Variants in KIRREL3 observed in about 807,000 individuals in gnomAD.
KIRREL3 encodes kin of IRRE-like protein 3.
Under a neutral mutation model 89.7 loss-of-function variants are expected in KIRREL3, and 36 were observed. That is an observed-to-expected ratio of 0.40 (90% CI 0.31 to 0.53). KIRREL3 has a LOEUF of 0.53. KIRREL3 is among the 20% of genes least tolerant of loss of function. KIRREL3 has a pLI of 0.49. For missense variants in KIRREL3, 864 were observed against 1,056.6 expected (o/e 0.82, Z 2.53); for synonymous variants, 445 against 441.4 (o/e 1.01, Z -0.10).
chr11:126,688,999 G>C (rs557519626), intron 1 of KIRREL3, among the ~76,000 whole-genome samples: 1 of 151,314 alleles, frequency 6.6e-6, no homozygotes, highest in Admixed American at 6.6e-5. Flanking sequence ...GCTGACCATA[G>C]AGCAGCTATG....
rs1950375160 is a variant in KIRREL3 at position 126,782,979 on chromosome 11, A to C, written c.55+217476T>G. On this transcript the variant is annotated intron_variant, in intron 1 of 16. Transcript: ENST00000525144. This position sits in a 1 kb window ranked among gnomAD's most constrained non-coding sequence, Gnocchi z 4.1. ...ATTCTAGCACAGGATCAGGAAATAC[A>C]CAAGATGAACTGGAGCATCTTGTAG... Among the ~76,000 whole-genome samples, 1 of 152,210 alleles carries C rather than the reference A, an allele frequency of 6.6e-6. No homozygotes were observed.
rs1406235916 is a variant in KIRREL3, at chr11:126,724,857, C to A, written c.56-161945G>T. Among the ~76,000 whole-genome samples, 3 of 152,196 alleles carry A rather than the reference C, an allele frequency of 2.0e-5. No homozygotes were observed. In the East Asian group the frequency reaches 5.8e-4, roughly 29 times the overall value. ...ACCATAAAAACAACTTTCCTGCATT[C>A]CTCTTTATCATAGATCAACTTGTCA... On this transcript the variant is annotated intron_variant, in intron 1 of 16. Coordinates refer to ENST00000525144, the MANE Select transcript of KIRREL3 (RefSeq NM_032531.4). The surrounding 1 kb of genome is among the most constrained non-coding windows in gnomAD (Gnocchi z 4.3).
At position 126,949,266 on chromosome 11, in the gene KIRREL3, C is replaced by T. The variant is rs957784677; in HGVS notation, c.55+51189G>A. 1.5e-4 allele frequency among the ~76,000 whole-genome samples: 23 copies of T among 152,270 alleles called. 1 individual carries two copies. The highest frequency in any genetic ancestry group is 4.6e-4 in the African/African-American group (19 of 41,550). On this transcript the variant is annotated intron_variant, in intron 1 of 16. Transcript: ENST00000525144. ...AGATCATTGTGGTTGGGTGATCTCA[C>T]CATGTGGTTACCATGGCCTAGGAAT... is the stretch of plus-strand genomic sequence containing the variant.
intron 4 of KIRREL3, among the ~76,000 whole-genome samples, chr11:126,512,868 C>T (rs73633719): frequency 0.022 from 3,412 of 152,272 alleles, 149 homozygotes; most frequent in African/African-American, 0.077. Flanking sequence ...ACAGTCAACC[C>T]GTGAAGTGGG....
chr11:126,846,152 G>T (rs1944134448), intron 1 of KIRREL3, among the ~76,000 whole-genome samples: 1 of 152,168 alleles, frequency 6.6e-6, no homozygotes, highest in South Asian at 2.1e-4. Flanking sequence ...GTACTTTTGG[G>T]AATGGGCTGA....
At position 126,427,744 on chromosome 11, in the gene KIRREL3, C is replaced by A. The variant is rs893247261; in HGVS notation, c.1806+1435G>T. Among the ~76,000 whole-genome samples the A allele has an allele frequency of 1.3e-5, 2 of 152,014 alleles. No individual in the cohort carries two copies. Among genetic ancestry groups the A allele is most frequent in the Admixed American group, 1.3e-4 (2 of 15,266 alleles). On this transcript the variant is annotated intron_variant, in intron 15 of 16. Transcript: ENST00000525144. The surrounding 1 kb of genome is among the most constrained non-coding windows in gnomAD (Gnocchi z 5.3). ...GATTTTAAGTGGGCAAGTAACAGGA[C>A]CAGATTTGCATTTTAGAAAGGCTGC...
rs1943647664 is a variant in KIRREL3 at position 126,623,312 on chromosome 11, G to C, written c.56-60400C>G. 6.6e-6 allele frequency among the ~76,000 whole-genome samples: 1 copy of C among 152,148 alleles called. No individual in the cohort carries two copies. Among genetic ancestry groups the C allele is most frequent in the African/African-American group, 2.4e-5 (1 of 41,434 alleles). ...CTCCCTGGAAACCAGGCCTGTCCTT[G>C]GTGGTGTATGAGCAGGCCCCTGGGA... On this transcript the variant is annotated intron_variant, in intron 1 of 16. Transcript: ENST00000525144. The surrounding 1 kb of genome is among the most constrained non-coding windows in gnomAD (Gnocchi z 4.1).
At chr11:126,503,268 C>A (rs544367496) in intron 4 of KIRREL3, among the ~76,000 whole-genome samples, 16 of 152,200 alleles carry the variant, frequency 1.1e-4, no homozygotes, top group African/African-American at 3.6e-4. Context: ...CTGGGTGGAC[C>A]AAAGGCAGCA....
chr11:126,460,126 G>A (rs58189355), intron 6 of KIRREL3, among the ~76,000 whole-genome samples: 22,254 of 151,982 alleles, frequency 0.15, 2,121 homozygotes, highest in Admixed American at 0.32. Flanking sequence ...AGGGGGAAGG[G>A]GGGAGGGAGC....
At chr11:126,874,857 C>T (rs988265587) in intron 1 of KIRREL3, among the ~76,000 whole-genome samples, 3 of 152,082 alleles carry the variant, frequency 2.0e-5, no homozygotes, top group African/African-American at 7.2e-5. Context: ...CTGGTCTGGC[C>T]TCCTCATTTT....
intron 2 of KIRREL3, among the ~76,000 whole-genome samples, chr11:126,560,140 C>A (rs1940007277): frequency 6.6e-6 from 1 of 152,198 alleles, no homozygotes; most frequent in Non-Finnish European, 1.5e-5. Flanking sequence ...CACATGAAGA[C>A]AATGATCTCA....
rs1232474339 is a variant in KIRREL3 at position 126,520,632 on chromosome 11, C to T, written c.433+683G>A. Among the ~76,000 whole-genome samples, 5 of 152,124 alleles carry T rather than the reference C, an allele frequency of 3.3e-5. No homozygotes were observed. Among genetic ancestry groups the T allele is most frequent in the African/African-American group, 7.2e-5 (3 of 41,430 alleles). On this transcript the variant is annotated intron_variant, in intron 4 of 16. Transcript: ENST00000525144. This position sits in a 1 kb window ranked among gnomAD's most constrained non-coding sequence, Gnocchi z 4.9. ...GACTGAACTCTAAATCAGAACTAGG[C>T]GGTTTAAGAGGTCACCGAGCCCATT...
rs375182018 is a variant in KIRREL3, at chr11:126,793,399, G to A, written c.55+207056C>T. Among the ~76,000 whole-genome samples, 23 of 152,332 alleles carry A rather than the reference G, an allele frequency of 1.5e-4. No homozygotes were observed. In the East Asian group the frequency reaches 2.7e-3, roughly 18 times the overall value. ...AGGGTTACTTTTGTTCCTTCAAACC[G>A]CTCTTAGTTCCTTTGGATGTGCATG... On this transcript the variant is annotated intron_variant, in intron 1 of 16. Transcript: ENST00000525144.
rs1947069705 is a variant in KIRREL3, at chr11:126,917,048, T to C, written c.55+83407A>G. ...ATTCATAATAACCAAAAAGTAGAAG[T>C]CACCCACGTGTCTAACAGATGAATG... is the stretch of plus-strand genomic sequence containing the variant. On this transcript the variant is annotated intron_variant, in intron 1 of 16. Coordinates refer to ENST00000525144, the MANE Select transcript of KIRREL3 (RefSeq NM_032531.4). The surrounding 1 kb of genome is among the most constrained non-coding windows in gnomAD (Gnocchi z 5.0). Among the ~76,000 whole-genome samples, 2 of 152,182 alleles carry C rather than the reference T, an allele frequency of 1.3e-5. No individual in the cohort carries two copies. Among genetic ancestry groups the C allele is most frequent in the African/African-American group, 4.8e-5 (2 of 41,446 alleles).
intron 4 of KIRREL3, among the ~76,000 whole-genome samples, chr11:126,511,821 A>G (rs898267632): frequency 8.5e-5 from 13 of 152,150 alleles, no homozygotes; most frequent in Non-Finnish European, 2.9e-5. Context: ...CCAGTTTTAA[A>G]TCCATAATTT....
chr11:126,683,308 G>A lies in KIRREL3; in HGVS notation c.56-120396C>T, dbSNP rs1946539403. Among the ~76,000 whole-genome samples, 1 of 152,208 alleles carries A rather than the reference G, an allele frequency of 6.6e-6. No individual in the cohort carries two copies. The highest frequency in any genetic ancestry group is 1.5e-5 in the Non-Finnish European group (1 of 68,038). On this transcript the variant is annotated intron_variant, in intron 1 of 16. Transcript: ENST00000525144. This position sits in a 1 kb window ranked among gnomAD's most constrained non-coding sequence, Gnocchi z 5.2. ...AAATCTGGAAAGTAGAGTTGGGGTT[G>A]TGAAATATTAGAACGTGTGGATAGT...
Position 126,768,072 on chromosome 11 carries a change from C to T in KIRREL3, c.56-205160G>A, listed in dbSNP as rs1775111908. Among the ~76,000 whole-genome samples, 1 of 152,204 alleles carries T rather than the reference C, an allele frequency of 6.6e-6. No homozygotes were observed. The highest frequency in any genetic ancestry group is 2.1e-4 in the South Asian group (1 of 4,830). ...AAAATTTTATGATTCCTCTTATCAG[C>T]CATTTCTGGCAACTGTCATTCATTA... On this transcript the variant is annotated intron_variant, in intron 1 of 16. Coordinates refer to ENST00000525144, the MANE Select transcript of KIRREL3 (RefSeq NM_032531.4). This position sits in a 1 kb window ranked among gnomAD's most constrained non-coding sequence, Gnocchi z 4.5.
intron 6 of KIRREL3, among the ~76,000 whole-genome samples, chr11:126,456,911 AC>A (rs1331354708): frequency 3.3e-5 from 5 of 152,092 alleles, no homozygotes; most frequent in African/African-American, 1.2e-4. Context: ...CGGCATTTAC[AC>A]CCTTTCATCA....
rs187087005 is a variant in KIRREL3, at chr11:126,831,008, G to A, written c.55+169447C>T. Among the ~76,000 whole-genome samples the A allele has an allele frequency of 3.9e-5, 6 of 152,282 alleles. No homozygotes were observed. The East Asian group carries it at 9.7e-4, about 25-fold the overall frequency. On this transcript the variant is annotated intron_variant, in intron 1 of 16. Transcript: ENST00000525144. The stretch of plus-strand genomic sequence containing the variant: ...GCTAAACCCCCAGCATAGCAGTTAG[G>A]AGCATGGACTGTGGATCATAGGAGA...
Sources: gnomAD v4.1 joint callset for allele counts (sites outside exome capture counted in the v4.1 genomes callset) on GRCh38, gnomAD v4.1.1 for gene constraint, Gnocchi (gnomAD v3.1) non-coding constraint, MANE v1.5 for transcripts, NCBI Gene and HGNC (gene_info 2026-07-23, HGNC 2026-07-21) for gene names.